The following EPB41L2 variants were observed in gnomAD, a reference collection of about 807,000 sequenced individuals.
EPB41L2 encodes erythrocyte membrane protein band 4.1 like 2, also known as band 4.1-like protein 2.
A neutral mutation model predicts 113.0 loss-of-function variants in EPB41L2; 43 were observed. The observed-to-expected ratio is 0.38, with a 90% confidence interval of 0.30 to 0.49. The LOEUF (loss-of-function observed/expected upper bound fraction) is 0.49. Among genes scored for constraint, EPB41L2 ranks in the 20% least tolerant of loss-of-function variants. The probability of loss-of-function intolerance (pLI) is 0.95; values close to 1 mark genes in which losing one functional copy is unlikely to be tolerated. For synonymous variants in EPB41L2, 442 were observed against 436.7 expected (o/e 1.01, Z -0.15); for missense variants, 1,147 against 1,223.4 (o/e 0.94, Z 0.93).
At chr6:131,005,303 C>T (rs1190564158) in intron 1 of EPB41L2, among the ~76,000 whole-genome samples, 1 of 152,058 alleles carries the variant, frequency 6.6e-6, no homozygotes, top group Admixed American at 6.6e-5. Context: ...CCCTGTGACC[C>T]AAAGCACATC....
At chr6:130,974,735 T>C (rs1307618579) in intron 1 of EPB41L2, among the ~76,000 whole-genome samples, 1 of 132,702 alleles carries the variant, frequency 7.5e-6, no homozygotes, top group African/African-American at 2.8e-5. Flanking sequence ...TTTTTTTTTT[T>C]TTTTTTTTGA....
intron 1 of EPB41L2, among the ~76,000 whole-genome samples, chr6:130,998,511 AT>A (rs1783654288): frequency 6.6e-6 from 1 of 152,214 alleles, no homozygotes; most frequent in Non-Finnish European, 1.5e-5. Flanking sequence ...TAATTACAAA[AT>A]AAATAGCATA....
At chr6:130,951,195 T>C (rs1414014497) in intron 3 of EPB41L2, among the ~76,000 whole-genome samples, 2 of 130,562 alleles carry the variant, frequency 1.5e-5, no homozygotes, top group Non-Finnish European at 3.1e-5. Flanking sequence ...AGGTGGAGGT[T>C]TCAGTGAGCC....
chr6:130,845,695 T>C (rs1562278220), intron 19 of EPB41L2, among the ~76,000 whole-genome samples: 2 of 152,302 alleles, frequency 1.3e-5, no homozygotes, highest in East Asian at 3.9e-4. Flanking sequence ...ACCTTATTCT[T>C]TACCAGTGTG....
intron 1 of EPB41L2, among the ~76,000 whole-genome samples, chr6:130,976,666 A>T (rs1365171956): frequency 6.6e-6 from 1 of 152,216 alleles, no homozygotes; most frequent in Non-Finnish European, 1.5e-5. Flanking sequence ...GAAGCATCTA[A>T]AAAGTATTAG....
chr6:130,936,720 G>C (rs1583636979), intron 3 of EPB41L2, among the ~76,000 whole-genome samples: 1 of 152,182 alleles, frequency 6.6e-6, no homozygotes, highest in Admixed American at 6.5e-5. Flanking sequence ...AACAATTAGA[G>C]TTAATATTTA....
intron 1 of EPB41L2, among the ~76,000 whole-genome samples, chr6:131,049,042 G>A (rs936906540): frequency 6.6e-6 from 1 of 152,232 alleles, no homozygotes; most frequent in African/African-American, 2.4e-5. Context: ...CAGCACTGAA[G>A]ATGAAGGTAA....
chr6:130,855,273 C>G (rs1721043566), intron 19 of EPB41L2, among the ~76,000 whole-genome samples: 2 of 152,036 alleles, frequency 1.3e-5, no homozygotes, highest in Non-Finnish European at 2.9e-5. Context: ...ATTGCTTGAA[C>G]CTGGGAGGCG....
intron 1 of EPB41L2, among the ~76,000 whole-genome samples, chr6:131,036,259 T>A (rs1236885629): frequency 6.6e-6 from 1 of 152,024 alleles, no homozygotes; most frequent in Non-Finnish European, 1.5e-5. Context: ...TATATAGCTG[T>A]ATAGAAGTCA....
intron 7 of EPB41L2, among the ~76,000 whole-genome samples, chr6:130,900,413 CAT>C (rs1795966136): frequency 6.6e-6 from 1 of 152,170 alleles, no homozygotes; most frequent in Non-Finnish European, 1.5e-5. Flanking sequence ...TTTTCACACA[CAT>C]ATAAATGTTC....
intron 18 of EPB41L2, among the ~76,000 whole-genome samples, chr6:130,859,460 A>G (rs1781325879): frequency 6.6e-6 from 1 of 151,886 alleles, no homozygotes. Context: ...GCAGTGAGCC[A>G]AGACTGCACC....
intron 1 of EPB41L2, among the ~76,000 whole-genome samples, chr6:130,979,019 G>T (rs745366936): frequency 6.6e-6 from 1 of 152,206 alleles, no homozygotes; most frequent in Non-Finnish European, 1.5e-5. Context: ...CTGGAACACA[G>T]GGGTGGGGAG....
At chr6:130,903,185 T>C (rs926338207) in intron 6 of EPB41L2, among the ~76,000 whole-genome samples, 1 of 152,138 alleles carries the variant, frequency 6.6e-6, no homozygotes, top group African/African-American at 2.4e-5. Context: ...GAGGAGTGTA[T>C]GTACAGAGTG....
intron 1 of EPB41L2, among the ~76,000 whole-genome samples, chr6:130,958,239 G>A (rs1316847710): frequency 1.3e-5 from 2 of 152,096 alleles, no homozygotes; most frequent in African/African-American, 4.8e-5. Context: ...ACCACTTGAG[G>A]TCAGGAGTTC....
intron 1 of EPB41L2, among the ~76,000 whole-genome samples, chr6:131,052,522 T>C (rs1796765951): frequency 6.6e-6 from 1 of 152,190 alleles, no homozygotes; most frequent in Non-Finnish European, 1.5e-5. Flanking sequence ...TCTAACATAG[T>C]TTAAAGCTGA....
chr6:131,057,572 G>T (rs1380060595), intron 1 of EPB41L2, among the ~76,000 whole-genome samples: 1 of 152,152 alleles, frequency 6.6e-6, no homozygotes, highest in Non-Finnish European at 1.5e-5. Flanking sequence ...TGTTATAATG[G>T]CCCAGCCCTG....
intron 19 of EPB41L2, among the ~76,000 whole-genome samples, chr6:130,851,356 T>C (rs1339070797): frequency 6.6e-6 from 1 of 152,238 alleles, no homozygotes; most frequent in Non-Finnish European, 1.5e-5. Context: ...ACCCTGACTT[T>C]GAAACAAACA....
intron 1 of EPB41L2, among the ~76,000 whole-genome samples, chr6:130,969,627 T>C (rs562872888): frequency 6.6e-6 from 1 of 152,322 alleles, no homozygotes; most frequent in East Asian, 1.9e-4. Context: ...CTTTGGTAAC[T>C]GTTAATGGCT....
intron 1 of EPB41L2, among the ~76,000 whole-genome samples, chr6:130,960,190 G>A (rs1818875062): frequency 6.6e-6 from 1 of 152,118 alleles, no homozygotes; most frequent in South Asian, 2.1e-4. Context: ...ACTTCATAAT[G>A]CAATCACAGC....
Sources: allele counts gnomAD v4.1 joint callset (sites outside exome capture counted in the v4.1 genomes callset), GRCh38; gene constraint gnomAD v4.1.1; transcripts MANE v1.5; gene names NCBI Gene and HGNC (gene_info 2026-07-23, HGNC 2026-07-21).